CACNA1C: variants seen among roughly 807,000 people sequenced by gnomAD.
The protein encoded by CACNA1C is calcium voltage-gated channel subunit alpha1 C.
In CACNA1C, 30 loss-of-function variants were observed where a neutral mutation model predicts 229.0. That is an observed-to-expected ratio of 0.13 (90% CI 0.10 to 0.18). The LOEUF is 0.18. CACNA1C is among the 10% of genes least tolerant of loss of function. The pLI, the probability that CACNA1C is intolerant of heterozygous loss-of-function variation, is 1.00. For missense variants in CACNA1C, 1,658 were observed against 2,845.0 expected, an observed-to-expected ratio of 0.58 and a Z score of 9.49; for synonymous variants, 1,114 against 1,132.5, an observed-to-expected ratio of 0.98 and a Z score of 0.33.
At position 2,399,924 on chromosome 12, in the gene CACNA1C, A is replaced by C. The variant is rs11836452; in HGVS notation, c.478-49052A>C. 2.0e-5 allele frequency among the ~76,000 whole-genome samples: 3 copies of C among 152,326 alleles called. No individual in the cohort carries two copies. In the South Asian group the frequency reaches 6.2e-4, roughly 32 times the overall value. ...CTGCTTTTTGGATATATTAATGCCA[A>C]TGTGTCTGCCTGTATGCACCAGGGG... On this transcript the variant is annotated intron_variant, in intron 3 of 46. Transcript: ENST00000399655.
intron 9 of CACNA1C, among the ~76,000 whole-genome samples, chr12:2,536,508 T>C (rs1199143577): frequency 1.3e-5 from 2 of 152,124 alleles, no homozygotes; most frequent in Admixed American, 6.5e-5. Context: ...GATGACCCTC[T>C]CTGGACCTTA....
chr12:2,206,340 G>A (rs1005804872), intron 3 of CACNA1C, among the ~76,000 whole-genome samples: 7 of 152,232 alleles, frequency 4.6e-5, no homozygotes, highest in African/African-American at 1.7e-4. Context: ...TGAGGGTTGG[G>A]AGAATGGCAG....
Position 2,034,799 on chromosome 12 carries a change from G to C in CACNA1C, c.139+63598G>C, listed in dbSNP as rs2154492885. ...TAGCTGTGAATAACAGATAGTCCCT[G>C]TGCAAGGAATCTATAGATGGGAATG... On this transcript the variant is annotated intron_variant, in intron 1 of 46. Transcript: ENST00000682462. This position sits in a 1 kb window ranked among gnomAD's most constrained non-coding sequence, Gnocchi z 4.1. Among the ~76,000 whole-genome samples the C allele has an allele frequency of 6.6e-6, 1 of 152,326 alleles. No homozygotes were observed. Among genetic ancestry groups the C allele is most frequent in the South Asian group, 2.1e-4 (1 of 4,824 alleles).
intron 39 of CACNA1C, among the ~76,000 whole-genome samples, chr12:2,674,844 T>G (rs1603445815): frequency 6.6e-6 from 1 of 152,180 alleles, no homozygotes; most frequent in African/African-American, 2.4e-5. Flanking sequence ...GGGAGGCAGG[T>G]GCAACGCCCT....
At chr12:2,662,000 C>T (rs142730796) in intron 34 of CACNA1C, among the ~76,000 whole-genome samples, 95 of 152,146 alleles carry the variant, frequency 6.2e-4, no homozygotes, top group African/African-American at 2.0e-3. Context: ...CCCAGCACTT[C>T]GGGAGGCCAA....
chr12:2,370,394 G>A lies in CACNA1C; in HGVS notation c.478-78582G>A, dbSNP rs561344075. Among the ~76,000 whole-genome samples, 43 of 152,258 alleles carry A rather than the reference G, an allele frequency of 2.8e-4. 1 individual carries two copies. In the South Asian group the frequency reaches 6.4e-3, roughly 23 times the overall value. ...TAATTAGACAAAGTTTTATATTTAC[G>A]TATAATGATGTTCATTTCAGCTCAT... On this transcript the variant is annotated intron_variant, in intron 3 of 46. Transcript: ENST00000399655.
chr12:2,494,216 C>T (rs2099742167), intron 7 of CACNA1C, among the ~76,000 whole-genome samples: 1 of 152,134 alleles, frequency 6.6e-6, no homozygotes, highest in East Asian at 1.9e-4. Flanking sequence ...TAAAGTTGCC[C>T]CTTTTATTAC....
chr12:2,367,751 A>G (rs962830059), intron 3 of CACNA1C, among the ~76,000 whole-genome samples: 1 of 152,216 alleles, frequency 6.6e-6, no homozygotes, highest in Non-Finnish European at 1.5e-5. Flanking sequence ...ACATAATAGC[A>G]TAAGAGAATG....
rs983375888 is a variant in CACNA1C, at chr12:2,665,127, G to A, written c.4398+137G>A. On this transcript the variant is annotated intron_variant, in intron 35 of 46. Coordinates refer to ENST00000399655, the MANE Select transcript of CACNA1C (RefSeq NM_000719.7). The surrounding 1 kb of genome is among the most constrained non-coding windows in gnomAD (Gnocchi z 5.9). ...GCTTGGGAAGACTAAGTTGGCAGGA[G>A]TGTCCAGCCACATGGAGAGAAAGGC... 4.8e-6 allele frequency: 4 copies of A among 830,470 alleles called. No individual in the cohort carries two copies. In the Admixed American group the frequency reaches 7.2e-5, roughly 15 times the overall value. The allele number at this position is 830,470 out of a possible 1,614,324, so 51.4% of individuals were successfully genotyped here. A position where few individuals can be genotyped will look rare whatever the true frequency, so the allele number is the denominator to read the frequency against.
Position 2,223,768 on chromosome 12 carries a change from G to A in CACNA1C, c.477+103338G>A, listed in dbSNP as rs527914287. 5.9e-5 allele frequency among the ~76,000 whole-genome samples: 9 copies of A among 152,254 alleles called. No homozygotes were observed. In the South Asian group the frequency reaches 1.7e-3, roughly 28 times the overall value. The stretch of plus-strand genomic sequence containing the variant: ...ACCCTACGTACATTAGAATGAAAAT[G>A]TTATACATCGTAGAAAATGAATAAA... On this transcript the variant is annotated intron_variant, in intron 3 of 46. Coordinates refer to ENST00000399655, the MANE Select transcript of CACNA1C (RefSeq NM_000719.7).
At chr12:2,324,278 A>G (rs2096175513) in intron 3 of CACNA1C, among the ~76,000 whole-genome samples, 1 of 152,204 alleles carries the variant, frequency 6.6e-6, no homozygotes, top group Non-Finnish European at 1.5e-5. Flanking sequence ...TCACAGGGCC[A>G]CAGACACTTA....
At chr12:2,594,989 C>T (rs1326486232) in intron 19 of CACNA1C, among the ~76,000 whole-genome samples, 3 of 152,336 alleles carry the variant, frequency 2.0e-5, no homozygotes, top group African/African-American at 7.2e-5. Flanking sequence ...CATACGTAGC[C>T]TCAGCTCAGT....
rs1420125076 is a variant in CACNA1C, at chr12:2,354,596, G to A, written c.478-94380G>A. On this transcript the variant is annotated intron_variant, in intron 3 of 46. Transcript: ENST00000399655. The surrounding 1 kb of genome is among the most constrained non-coding windows in gnomAD (Gnocchi z 4.6). ...TCCTAGCTATGCTTGTAAGAAGTGC[G>A]TGCTTCTGGTTGGGAGAGCCCAGGA... Among the ~76,000 whole-genome samples, 3 of 152,180 alleles carry A rather than the reference G, an allele frequency of 2.0e-5. No individual in the cohort carries two copies. The highest frequency in any genetic ancestry group is 4.4e-5 in the Non-Finnish European group (3 of 68,020).
At chr12:2,362,469 T>C (rs1441101425) in intron 3 of CACNA1C, among the ~76,000 whole-genome samples, 1 of 152,148 alleles carries the variant, frequency 6.6e-6, no homozygotes, top group African/African-American at 2.4e-5. Context: ...TCCTCCCCCA[T>C]AGACCCACCC....
Position 2,179,134 on chromosome 12 carries a change from A to G in CACNA1C, c.477+58704A>G, listed in dbSNP as rs552965269. 3.3e-5 allele frequency among the ~76,000 whole-genome samples: 5 copies of G among 152,324 alleles called. No individual in the cohort carries two copies. The South Asian group carries it at 8.3e-4, about 25-fold the overall frequency. On this transcript the variant is annotated intron_variant, in intron 3 of 46. Coordinates refer to ENST00000399655, the MANE Select transcript of CACNA1C (RefSeq NM_000719.7). ...GGCGGTCTTTTCTGTACTTAGAACA[A>G]CCTAATAGTTATTTAATGGATAAAC...
At chr12:2,074,722 C>T (rs1298664130) in intron 1 of CACNA1C, among the ~76,000 whole-genome samples, 4 of 152,252 alleles carry the variant, frequency 2.6e-5, no homozygotes, top group Admixed American at 1.3e-4. Context: ...CGATAAAATA[C>T]TTTAGGGTTT....
intron 21 of CACNA1C, among the ~76,000 whole-genome samples, chr12:2,600,428 C>T (rs1450791982): frequency 2.6e-5 from 4 of 152,330 alleles, no homozygotes; most frequent in African/African-American, 7.2e-5. Context: ...AATGGCTCTG[C>T]GGACACTCTG....
intron 3 of CACNA1C, among the ~76,000 whole-genome samples, chr12:2,411,242 G>A (rs1043086807): frequency 5.9e-5 from 9 of 152,090 alleles, no homozygotes; most frequent in Non-Finnish European, 2.9e-5. Context: ...GCAGCCCTGC[G>A]GTGGAGAGCT....
intron 3 of CACNA1C, among the ~76,000 whole-genome samples, chr12:2,179,279 A>G (rs1297594328): frequency 1.3e-5 from 2 of 152,244 alleles, no homozygotes; most frequent in African/African-American, 4.8e-5. Context: ...CTGGGAGTTC[A>G]GCACAGAAGT....
Sources: gnomAD v4.1 joint callset for allele counts (sites outside exome capture counted in the v4.1 genomes callset) on GRCh38, gnomAD v4.1.1 for gene constraint, Gnocchi (gnomAD v3.1) non-coding constraint, MANE v1.5 for transcripts, NCBI Gene and HGNC (gene_info 2026-07-23, HGNC 2026-07-21) for gene names.